CRTC3: variants seen among roughly 807,000 people sequenced by gnomAD.
CRTC3 encodes the protein CREB regulated transcription coactivator 3, also known as CREB-regulated transcription coactivator 3.
CRTC3 carries 26 observed loss-of-function variants against 74.5 expected under a neutral mutation model. That is an observed-to-expected ratio of 0.35 (90% CI 0.26 to 0.48). CRTC3 has a LOEUF of 0.48. Ranked by LOEUF, CRTC3 falls within the 20% of genes least tolerant of loss-of-function variation. The pLI is 0.99. For synonymous variants in CRTC3, 377 were observed against 325.8 expected, an observed-to-expected ratio of 1.16 and a Z score of -1.69; for missense variants, 760 against 787.3, an observed-to-expected ratio of 0.97 and a Z score of 0.41.
intron 2 of CRTC3, among the ~76,000 whole-genome samples, chr15:90,545,869 CG>C (rs1567161145): frequency 6.6e-6 from 1 of 152,158 alleles, no homozygotes; most frequent in East Asian, 1.9e-4. Flanking sequence ...TGAGCCACTG[CG>C]CCTGGCCTTG....
chr15:90,628,618 G>C (rs947495347), intron 10 of CRTC3, among the ~76,000 whole-genome samples: 3 of 152,086 alleles, frequency 2.0e-5, no homozygotes, highest in African/African-American at 7.2e-5. Context: ...CCCAAATAAA[G>C]CACCAGCAAA....
chr15:90,546,720 T>A (rs1190873403), intron 2 of CRTC3, among the ~76,000 whole-genome samples: 1 of 152,202 alleles, frequency 6.6e-6, no homozygotes, highest in Non-Finnish European at 1.5e-5. Context: ...CCCCCTGGGT[T>A]CATGCCATTC....
chr15:90,612,690 C>T (rs1229288449), intron 6 of CRTC3, among the ~76,000 whole-genome samples: 1 of 151,898 alleles, frequency 6.6e-6, no homozygotes, highest in African/African-American at 2.4e-5. Flanking sequence ...AGTTCCCTGC[C>T]CTTTCTTAAT....
chr15:90,627,509 C>T (rs1968879933), intron 10 of CRTC3, among the ~76,000 whole-genome samples: 1 of 152,170 alleles, frequency 6.6e-6, no homozygotes, highest in African/African-American at 2.4e-5. Flanking sequence ...CCAGTACAGC[C>T]TTTGACACTT....
chr15:90,625,029 A>G (rs79027527), intron 9 of CRTC3: 8,247 of 152,560 alleles, frequency 0.054, 296 homozygotes, highest in Middle Eastern at 0.11. Context: ...TGAGAATTCT[A>G]CATGTAAATC....
intron 2 of CRTC3, among the ~76,000 whole-genome samples, chr15:90,582,917 C>T (rs745383548): frequency 6.6e-6 from 1 of 152,174 alleles, no homozygotes; most frequent in Non-Finnish European, 1.5e-5. Context: ...AGAAGCTCTG[C>T]CTGAGACATA....
chr15:90,598,280 T>C lies in CRTC3; in HGVS notation c.352-4044T>C, dbSNP rs1268700201. 3 of 606,252 alleles carry C rather than the reference T, an allele frequency of 4.9e-6. No homozygotes were observed. The East Asian group carries it at 8.3e-5, about 17-fold the overall frequency. The allele number at this position is 606,252 out of a possible 1,614,324, so 37.6% of individuals were successfully genotyped here. On this transcript the variant is annotated intron_variant, in intron 3 of 14. Transcript: ENST00000268184. ...CTGGGCCTGCTCACCCAGCCGCAGG[T>C]CAAGCAGCACAAAGAAAGGGCCAGG... is the stretch of plus-strand genomic sequence containing the variant.
chr15:90,640,004 G>A (rs1041490550), intron 13 of CRTC3, among the ~76,000 whole-genome samples: 2 of 151,930 alleles, frequency 1.3e-5, no homozygotes, highest in East Asian at 2.0e-4. Flanking sequence ...AGCTGAGATC[G>A]CACCACTGCA....
chr15:90,560,413 G>T (rs1966986174), intron 2 of CRTC3, among the ~76,000 whole-genome samples: 1 of 152,158 alleles, frequency 6.6e-6, no homozygotes. Flanking sequence ...AAGAGTTCTG[G>T]AATTTGTGGG....
chr15:90,547,499 C>G (rs908077554), intron 2 of CRTC3, among the ~76,000 whole-genome samples: 4 of 152,280 alleles, frequency 2.6e-5, no homozygotes, highest in Admixed American at 2.6e-4. Context: ...AAAGTGCATT[C>G]TTTTTTTCTA....
intron 2 of CRTC3, among the ~76,000 whole-genome samples, chr15:90,582,528 A>C (rs1347547405): frequency 2.0e-5 from 3 of 152,250 alleles, no homozygotes; most frequent in African/African-American, 7.2e-5. Flanking sequence ...CTTTGCATTT[A>C]AACTTTTTGA....
rs149393956 is a variant in CRTC3 at position 90,538,312 on chromosome 15, C to T, written c.133-1727C>T. On this transcript the variant is annotated intron_variant, in intron 1 of 14. Coordinates refer to ENST00000268184, the MANE Select transcript of CRTC3 (RefSeq NM_022769.5). Reference sequence around the variant, plus strand: ...AAGCTGAGAGACTTTATTCCTATAACTCCACTCCTAGATGGAAAAAACACC... The same window carrying T: ...AAGCTGAGAGACTTTATTCCTATAATTCCACTCCTAGATGGAAAAAACACC... Among the ~76,000 whole-genome samples the T allele has an allele frequency of 5.0e-3, 506 of 101,714 alleles. 5 individuals carry two copies. The highest frequency in any genetic ancestry group is 0.019 in the African/African-American group (486 of 25,204). 66.7% of individuals were successfully genotyped at this position (101,714 alleles called of 152,430 possible).
chr15:90,612,602 G>A (rs17180057), intron 6 of CRTC3, among the ~76,000 whole-genome samples: 112,819 of 151,612 alleles, frequency 0.74, 42,175 homozygotes, highest in African/African-American at 0.8. Flanking sequence ...AGATGCTTCA[G>A]CACGCCATAC....
rs965231358 is a variant in CRTC3, at chr15:90,567,912, T to C, written c.232-25724T>C. 2.0e-5 allele frequency among the ~76,000 whole-genome samples: 3 copies of C among 152,316 alleles called. No homozygotes were observed. In the East Asian group the frequency reaches 5.8e-4, roughly 29 times the overall value. ...ATATATAGCTGTCATAGATAGTGAT[T>C]CCGCTGATGGATCATGGCACAAAGC... On this transcript the variant is annotated intron_variant, in intron 2 of 14. Coordinates refer to ENST00000268184, the MANE Select transcript of CRTC3 (RefSeq NM_022769.5).
At chr15:90,594,729 C>A (rs1967880023) in intron 3 of CRTC3, 1 of 149,808 alleles carries the variant, frequency 6.7e-6, no homozygotes, top group African/African-American at 2.4e-5. Flanking sequence ...ATTTTTTTAA[C>A]CCTCATTTTC....
chr15:90,639,063 CGTT>C (rs1377011209), intron 13 of CRTC3, among the ~76,000 whole-genome samples: 2 of 152,134 alleles, frequency 1.3e-5, no homozygotes, highest in African/African-American at 4.8e-5. Flanking sequence ...ATGACACTCT[CGTT>C]GTAGAACTGT....
chr15:90,535,339 C>A (rs1330599373), intron 1 of CRTC3, among the ~76,000 whole-genome samples: 1 of 152,096 alleles, frequency 6.6e-6, no homozygotes, highest in Non-Finnish European at 1.5e-5. Context: ...GAATGCCGAC[C>A]AGCTGAGCCT....
At chr15:90,541,020 G>A (rs918113000) in intron 2 of CRTC3, among the ~76,000 whole-genome samples, 2 of 152,164 alleles carry the variant, frequency 1.3e-5, no homozygotes, top group African/African-American at 2.4e-5. Context: ...TAAGTAGTCT[G>A]TATTGCATTT....
chr15:90,539,794 C>A, intron 1 of CRTC3: 1 of 453,728 alleles, frequency 2.2e-6, no homozygotes, highest in Non-Finnish European at 3.9e-6. Context: ...CACTCAAAGA[C>A]CTTGCAAGAG....
Sources: gnomAD v4.1 joint callset for allele counts (sites outside exome capture counted in the v4.1 genomes callset) on GRCh38, gnomAD v4.1.1 for gene constraint, MANE v1.5 for transcripts, NCBI Gene and HGNC (gene_info 2026-07-23, HGNC 2026-07-21) for gene names.